The following NUP210L variants were observed in gnomAD, a reference collection of about 807,000 sequenced individuals.
NUP210L encodes nucleoporin 210 like.
Under a neutral mutation model 208.5 loss-of-function variants are expected in NUP210L, and 74 were observed. That is an observed-to-expected ratio of 0.35 (90% CI 0.29 to 0.43). NUP210L has a LOEUF of 0.43. Among genes scored for constraint, NUP210L ranks in the 20% least tolerant of loss-of-function variants. The pLI is 1.00. For synonymous variants in NUP210L, 780 were observed against 816.9 expected (o/e 0.95, Z 0.77); for missense variants, 1,843 against 2,289.4 (o/e 0.81, Z 3.98).
intron 32 of NUP210L, among the ~76,000 whole-genome samples, chr1:154,019,739 C>G (rs776824274): frequency 6.6e-6 from 1 of 152,074 alleles, no homozygotes; most frequent in Non-Finnish European, 1.5e-5. Flanking sequence ...CCAGCCTGAC[C>G]AACATGGTGA....
chr1:154,056,839 G>T lies in NUP210L; in HGVS notation c.3216C>A (p.Tyr1072Ter), dbSNP rs762599582. The T allele has an allele frequency of 6.3e-7, 1 of 1,592,754 alleles. No homozygotes were observed. The highest frequency in any genetic ancestry group is 8.5e-7 in the Non-Finnish European group (1 of 1,173,562). ...CTTCAATGTGCCGAGGAGTTGATGT[G>T]TATTTTCTTCCCATCTTGTCCTTGG... The change falls in exon 23 of 40, where the codon TAC (tyrosine) becomes TAA (stop). Residue 1072 changes from tyrosine to a stop codon, truncating the protein, a stop_gained. Transcript: ENST00000368559. LOFTEE classifies it high-confidence loss of function.
At chr1:154,057,012 T>C (rs1419591696) in intron 22 of NUP210L, 65 bp from the exon 23 acceptor site, 3 of 1,531,592 alleles carry the variant, frequency 2.0e-6, no homozygotes, top group Non-Finnish European at 2.7e-6. Flanking sequence ...AGGGTCTTAC[T>C]CTGTCGCCCA....
chr1:154,134,840 C>T (rs771644319), intron 7 of NUP210L, among the ~76,000 whole-genome samples: 1 of 151,092 alleles, frequency 6.6e-6, no homozygotes, highest in African/African-American at 2.4e-5. Context: ...GGGGTTCAAG[C>T]GATTCTCCTG....
At chr1:153,992,871 A>C in exon 40 of NUP210L, 1 of 1,613,444 alleles carries the variant, frequency 6.2e-7, no homozygotes, top group Non-Finnish European at 8.5e-7. Flanking sequence ...GTTGCAGCCG[A>C]CTTTGGGCCA....
chr1:154,117,780 T>C (rs774747832), exon 12 of NUP210L: 3 of 1,610,252 alleles, frequency 1.9e-6, no homozygotes, highest in South Asian at 1.1e-5. Flanking sequence ...AACAGTACTA[T>C]TCCCCCTGAC....
At chr1:154,138,399 C>G (rs1658658562) in intron 5 of NUP210L, among the ~76,000 whole-genome samples, 161 bp from the exon 6 acceptor site, 1 of 151,908 alleles carries the variant, frequency 6.6e-6, no homozygotes, top group African/African-American at 2.4e-5. Flanking sequence ...TTTCAGCTAG[C>G]CTTAAAAAGT....
rs756787250 is a variant in NUP210L at position 153,993,132 on chromosome 1, G to A, written c.5492-43C>T. 2.9e-6 allele frequency: 4 copies of A among 1,369,062 alleles called. No individual in the cohort carries two copies. The Admixed American group carries it at 8.2e-5, about 28-fold the overall frequency. 84.8% of individuals were successfully genotyped at this position (1,369,062 alleles called of 1,614,324 possible). On this transcript the variant is annotated intron_variant, in intron 38 of 39. Transcript: ENST00000368559. ...AATGTCACAAGGCATATCTGAGGAA[G>A]GCCTTAAAAGGCAAAGTCAACTCTA... is the stretch of plus-strand genomic sequence containing the variant.
intron 32 of NUP210L, among the ~76,000 whole-genome samples, chr1:154,019,544 A>G (rs1651442713): frequency 6.6e-6 from 1 of 152,176 alleles, no homozygotes; most frequent in African/African-American, 2.4e-5. Flanking sequence ...ATCCTGGCAT[A>G]TGGCTCTTTC....
Position 154,052,081 on chromosome 1 carries a change from T to G in NUP210L, c.3483+2147A>C, listed in dbSNP as rs985294549. Among the ~76,000 whole-genome samples the G allele has an allele frequency of 6.6e-5, 10 of 152,328 alleles. No individual in the cohort carries two copies. The East Asian group carries it at 1.5e-3, about 24-fold the overall frequency. ...AATCTAGCATTATTGACTTTAAATTTTTTGAGCCTGCCTAAAGGCCAGATG... is the reference window on the plus strand; with the variant it reads ...AATCTAGCATTATTGACTTTAAATTGTTTGAGCCTGCCTAAAGGCCAGATG... On this transcript the variant is annotated intron_variant, in intron 25 of 39. Coordinates refer to ENST00000368559, the Ensembl canonical transcript of NUP210L.
chr1:154,118,182 G>A (rs1038065403), intron 11 of NUP210L, among the ~76,000 whole-genome samples: 6 of 151,902 alleles, frequency 3.9e-5, no homozygotes, highest in African/African-American at 1.2e-4. Context: ...GGTGGCACAC[G>A]CCTGTAATCC....
exon 1 of NUP210L, chr1:154,154,939 C>A: frequency 6.2e-7 from 1 of 1,614,200 alleles, no homozygotes; most frequent in Non-Finnish European, 8.5e-7. Context: ...AGTTTGTTGG[C>A]CAGGGTCCCA....
At chr1:154,135,816 T>C (rs1658505078) in exon 7 of NUP210L, 1 of 1,613,898 alleles carries the variant, frequency 6.2e-7, no homozygotes, top group East Asian at 2.2e-5. Context: ...AAGGATACTT[T>C]TATGGACAAA....
rs569118210 is a variant in NUP210L, at chr1:154,142,803, C to T, written c.472+643G>A. 6.7e-5 allele frequency among the ~76,000 whole-genome samples: 10 copies of T among 150,316 alleles called. No individual in the cohort carries two copies. The South Asian group carries it at 1.3e-3, about 19-fold the overall frequency. Reference sequence around the variant, plus strand: ...ACTTGGGAGGCTGAGGCACAAGAATCGCCTGAAGCGGGAGGGCAGAGGTTG... The same window carrying T: ...ACTTGGGAGGCTGAGGCACAAGAATTGCCTGAAGCGGGAGGGCAGAGGTTG... On this transcript the variant is annotated intron_variant, in intron 3 of 39. Coordinates refer to ENST00000368559, the Ensembl canonical transcript of NUP210L.
At chr1:153,993,025 T>C in exon 39 of NUP210L, 1 of 1,613,840 alleles carries the variant, frequency 6.2e-7, no homozygotes, top group East Asian at 2.2e-5. Flanking sequence ...CTGGCTGTGG[T>C]GTTCCTAGAG....
chr1:154,121,278 A>G (rs1657603265), intron 10 of NUP210L, among the ~76,000 whole-genome samples: 1 of 152,164 alleles, frequency 6.6e-6, no homozygotes, highest in African/African-American at 2.4e-5. Flanking sequence ...TTGCTATTGC[A>G]TGCCATGGAA....
At chr1:154,139,248 T>G (rs987242822) in intron 5 of NUP210L, among the ~76,000 whole-genome samples, 4 of 152,162 alleles carry the variant, frequency 2.6e-5, no homozygotes, top group Middle Eastern at 3.4e-3. Context: ...AGAAAGTGTA[T>G]GTAGATTTCA....
At chr1:154,002,623 C>CA (rs536125068) in intron 35 of NUP210L, among the ~76,000 whole-genome samples, 61 of 145,444 alleles carry the variant, frequency 4.2e-4, no homozygotes, top group South Asian at 1.3e-3. Flanking sequence ...GACTCCGTCT[C>CA]AAAAAAAAAA....
intron 9 of NUP210L, among the ~76,000 whole-genome samples, chr1:154,126,933 C>A (rs1658009272): frequency 6.6e-6 from 1 of 151,870 alleles, no homozygotes; most frequent in African/African-American, 2.4e-5. Flanking sequence ...CAAATTATAT[C>A]TTTTACTTCT....
chr1:154,111,137 C>T (rs2148080960), intron 12 of NUP210L, among the ~76,000 whole-genome samples: 1 of 151,188 alleles, frequency 6.6e-6, no homozygotes, highest in African/African-American at 2.4e-5. Flanking sequence ...AATCCCACCA[C>T]TTTGGGAGGC....
Sources: allele counts gnomAD v4.1 joint callset (sites outside exome capture counted in the v4.1 genomes callset), GRCh38; gene constraint gnomAD v4.1.1; transcripts MANE v1.5; gene names NCBI Gene and HGNC (gene_info 2026-07-23, HGNC 2026-07-21).